Variants in FRMPD3 observed in about 807,000 individuals in gnomAD.
FRMPD3 encodes the protein FERM and PDZ domain containing 3.
FRMPD3 carries 42 observed loss-of-function variants against 97.9 expected under a neutral mutation model. The ratio of observed to expected loss-of-function variants is 0.43; its 90% CI spans 0.34 to 0.55. The LOEUF (loss-of-function observed/expected upper bound fraction) is 0.55. Ranked by LOEUF, FRMPD3 falls within the 20% of genes least tolerant of loss-of-function variation. FRMPD3 has a pLI of 0.03. For synonymous variants in FRMPD3, 577 were observed against 581.1 expected (o/e 0.99, Z 0.10); for missense variants, 1,303 against 1,457.7 (o/e 0.89, Z 1.73).
chrX:107,454,174 T>A (rs73521072), intron 1 of FRMPD3, among the ~76,000 whole-genome samples: 7,180 of 111,303 alleles, frequency 0.065, 625 homozygotes, highest in African/African-American at 0.22. Flanking sequence ...TCCAGCCAAG[T>A]GACCCCTCCT....
intron 1 of FRMPD3, among the ~76,000 whole-genome samples, chrX:107,494,063 A>G: frequency 9.0e-6 from 1 of 111,318 alleles, no homozygotes; most frequent in Non-Finnish European, 1.9e-5. Context: ...AGCCAGCAGG[A>G]GGGTACCTAG....
At chrX:107,567,500 G>A (rs1420309355) in intron 12 of FRMPD3, among the ~76,000 whole-genome samples, 2 of 112,291 alleles carry the variant, frequency 1.8e-5, no homozygotes, top group Non-Finnish European at 1.9e-5. Context: ...CCCACAAGAG[G>A]GTGTTTTAAG....
intron 1 of FRMPD3, among the ~76,000 whole-genome samples, chrX:107,507,462 A>T (rs1922063022): frequency 9.1e-6 from 1 of 109,474 alleles, no homozygotes; most frequent in South Asian, 4.0e-4. Flanking sequence ...GGCCCCTCTG[A>T]GTGCTAGGAC....
chrX:107,487,987 T>A (rs1029787635), intron 1 of FRMPD3, among the ~76,000 whole-genome samples: 2 of 111,393 alleles, frequency 1.8e-5, no homozygotes, highest in Non-Finnish European at 3.8e-5. Context: ...CCTTGGTCAT[T>A]TTCTCAGTCA....
At chrX:107,466,870 A>G (rs958042116) in intron 1 of FRMPD3, among the ~76,000 whole-genome samples, 2 of 111,779 alleles carry the variant, frequency 1.8e-5, no homozygotes, top group African/African-American at 6.5e-5. Context: ...AAGGCCAAGA[A>G]AGGACTGACT....
intron 10 of FRMPD3, among the ~76,000 whole-genome samples, chrX:107,562,160 C>T (rs141190021): frequency 8.9e-6 from 1 of 112,051 alleles, no homozygotes; most frequent in African/African-American, 3.2e-5. Context: ...GTACAAAGGC[C>T]CAGAGATATG....
At chrX:107,533,397 A>C (rs1923063409) in intron 3 of FRMPD3, 108 bp from the exon 4 acceptor site, 4 of 667,153 alleles carry the variant, frequency 6.0e-6, no homozygotes, top group Non-Finnish European at 9.4e-6. Context: ...CTCTATCCTA[A>C]TCCATATACC....
At chrX:107,543,538 C>T (rs1921417097) in intron 4 of FRMPD3, among the ~76,000 whole-genome samples, 1 of 111,058 alleles carries the variant, frequency 9.0e-6, no homozygotes, top group Non-Finnish European at 1.9e-5. Context: ...CCCCAGTGGC[C>T]GGGCGCCGTG....
chrX:107,601,797 T>A lies in FRMPD3; in HGVS notation c.3758T>A (p.Leu1253His). The A allele has an allele frequency of 8.3e-7, 1 of 1,210,888 alleles. No homozygotes were observed. The highest frequency in any genetic ancestry group is 1.1e-6 in the Non-Finnish European group (1 of 895,354). ...KQYELEFLEE[L>H]LKPPSQGELP... is the part of the protein sequence containing the mutation. The stretch of plus-strand genomic sequence containing the variant: ...TATGAACTGGAGTTCCTTGAGGAAC[T>A]TCTAAAGCCACCAAGCCAGGGGGAG... The change falls in exon 15 of 15, where the codon CTT becomes CAT. Residue 1253 changes from leucine to histidine, a missense_variant. Coordinates refer to ENST00000683843, the MANE Select transcript of FRMPD3 (RefSeq NM_001388459.1).
intron 1 of FRMPD3, among the ~76,000 whole-genome samples, chrX:107,510,987 C>G (rs1922149782): frequency 8.9e-6 from 1 of 112,413 alleles, no homozygotes; most frequent in African/African-American, 3.2e-5. Context: ...TGCATCATCT[C>G]AGGCAAGAGG....
At chrX:107,488,488 T>C (rs1921564859) in intron 1 of FRMPD3, among the ~76,000 whole-genome samples, 1 of 112,409 alleles carries the variant, frequency 8.9e-6, no homozygotes, top group Non-Finnish European at 1.9e-5. Flanking sequence ...ATATTCAAAT[T>C]TGGCCCATTT....
At position 107,530,416 on chromosome X, in the gene FRMPD3, C is replaced by G; in HGVS notation, c.156C>G (p.Pro52=). The part of the protein sequence containing the change: ...VVVRSVRPGG[P]SENKLLAGDQ... ...CTCTCCTCTCCTTTGCAGGAGGCCC[C>G]TCTGAGAACAAGCTCCTGGCTGGTG... Residue 52 remains proline, a synonymous_variant, in exon 3 of 15, where the codon CCC becomes CCG. Coordinates refer to ENST00000683843, the MANE Select transcript of FRMPD3 (RefSeq NM_001388459.1). 1.7e-6 allele frequency: 2 copies of G among 1,188,722 alleles called. No individual in the cohort carries two copies. The highest frequency in any genetic ancestry group is 2.3e-6 in the Non-Finnish European group (2 of 883,736).
rs537609110 is a variant in FRMPD3 at position 107,549,557 on chromosome X, A to C, written c.403-492A>C. ...AGACTAGGCAGGGGCCAGGTCAGAAAGGGCCTAGGGAGGGGAAAAGGCAGA... is the reference window on the plus strand; with the variant it reads ...AGACTAGGCAGGGGCCAGGTCAGAACGGGCCTAGGGAGGGGAAAAGGCAGA... On this transcript the variant is annotated intron_variant, in intron 5 of 14. Coordinates refer to ENST00000683843, the MANE Select transcript of FRMPD3 (RefSeq NM_001388459.1). Among the ~76,000 whole-genome samples the C allele has an allele frequency of 2.7e-5, 3 of 111,357 alleles. No individual in the cohort carries two copies. In the Admixed American group the frequency reaches 2.9e-4, roughly 11 times the overall value.
At chrX:107,515,865 A>G (rs1922304320) in intron 1 of FRMPD3, among the ~76,000 whole-genome samples, 1 of 111,881 alleles carries the variant, frequency 8.9e-6, no homozygotes, top group African/African-American at 3.3e-5. Context: ...ATAGAAGAAA[A>G]GAAACATCCT....
intron 6 of FRMPD3, among the ~76,000 whole-genome samples, chrX:107,550,836 G>T (rs1206719189): frequency 8.9e-6 from 1 of 111,851 alleles, no homozygotes; most frequent in Non-Finnish European, 1.9e-5. Flanking sequence ...TCTCCAGAAA[G>T]AGAATGCCAT....
chrX:107,595,966 A>C (rs986978518), intron 13 of FRMPD3, among the ~76,000 whole-genome samples: 1 of 110,761 alleles, frequency 9.0e-6, no homozygotes, highest in African/African-American at 3.3e-5. Context: ...AAGAAAAGAA[A>C]AGAAAGAAAG....
At chrX:107,544,766 C>T (rs1209278791) in intron 4 of FRMPD3, 2 of 111,521 alleles carry the variant, frequency 1.8e-5, no homozygotes, top group Non-Finnish European at 3.8e-5. Flanking sequence ...AATCATGCTT[C>T]TGATAAAATT....
intron 1 of FRMPD3, among the ~76,000 whole-genome samples, chrX:107,480,895 GGAAA>G (rs59050601): frequency 0.088 from 5,245 of 59,942 alleles, 237 homozygotes; most frequent in Non-Finnish European, 0.095. Context: ...AAGGAAGGAA[GGAAA>G]GAAAGAAAGA....
chrX:107,519,290 G>A (rs1372874097), intron 1 of FRMPD3, among the ~76,000 whole-genome samples: 1 of 111,774 alleles, frequency 8.9e-6, no homozygotes, highest in Non-Finnish European at 1.9e-5. Context: ...GAGCCCAAGA[G>A]TTCAAGACCA....
Sources: gnomAD v4.1 joint callset for allele counts (sites outside exome capture counted in the v4.1 genomes callset) on GRCh38, gnomAD v4.1.1 for gene constraint, MANE v1.5 for transcripts, NCBI Gene and HGNC (gene_info 2026-07-23, HGNC 2026-07-21) for gene names.